The following ADAMTS2 variants were observed in gnomAD, a reference collection of about 807,000 sequenced individuals.
The protein encoded by ADAMTS2 is A disintegrin and metalloproteinase with thrombospondin motifs 2.
A neutral mutation model predicts 123.0 loss-of-function variants in ADAMTS2; 50 were observed. That is an observed-to-expected ratio of 0.41 (90% CI 0.32 to 0.51). The LOEUF is 0.51. Among genes scored for constraint, ADAMTS2 ranks in the 20% least tolerant of loss-of-function variants. The pLI, the probability that ADAMTS2 is intolerant of heterozygous loss-of-function variation, is 0.35. For synonymous variants in ADAMTS2, 678 were observed against 695.4 expected (o/e 0.98, Z 0.39); for missense variants, 1,494 against 1,705.2 (o/e 0.88, Z 2.18).
chr5:179,203,168 C>G (rs534228856), intron 4 of ADAMTS2, among the ~76,000 whole-genome samples: 1 of 152,362 alleles, frequency 6.6e-6, no homozygotes, highest in African/African-American at 2.4e-5. Flanking sequence ...TCCTCAGAGC[C>G]TGCATTCCCT....
intron 3 of ADAMTS2, among the ~76,000 whole-genome samples, chr5:179,247,585 A>G (rs193157681): frequency 8.5e-5 from 13 of 152,342 alleles, no homozygotes; most frequent in Admixed American, 3.9e-4. Flanking sequence ...TTGTAATCAA[A>G]TTGTCAAAAG....
chr5:179,141,498 T>C (rs1330425534), intron 10 of ADAMTS2, among the ~76,000 whole-genome samples: 1 of 152,166 alleles, frequency 6.6e-6, no homozygotes, highest in East Asian at 1.9e-4. Flanking sequence ...AAATTAGTTT[T>C]TAAAAAGCAG....
intron 2 of ADAMTS2, among the ~76,000 whole-genome samples, chr5:179,297,375 C>T (rs1391344243): frequency 3.3e-5 from 5 of 151,988 alleles, no homozygotes; most frequent in Admixed American, 2.0e-4. Flanking sequence ...CAGCCGTAGC[C>T]TCCCACCCCA....
chr5:179,257,542 C>T (rs1164415657), intron 3 of ADAMTS2, among the ~76,000 whole-genome samples: 1 of 152,222 alleles, frequency 6.6e-6, no homozygotes, highest in African/African-American at 2.4e-5. Context: ...TCTGCCTGGG[C>T]TGGGGCCCTG....
At chr5:179,333,998 C>A (rs1377515247) in intron 2 of ADAMTS2, among the ~76,000 whole-genome samples, 1 of 152,200 alleles carries the variant, frequency 6.6e-6, no homozygotes, top group East Asian at 1.9e-4. Flanking sequence ...GGAGACTCTG[C>A]AGACAGTGCC....
intron 5 of ADAMTS2, among the ~76,000 whole-genome samples, chr5:179,167,039 C>T (rs1477222928): frequency 5.9e-5 from 9 of 152,218 alleles, no homozygotes; most frequent in Admixed American, 2.6e-4. Flanking sequence ...GGAAGTGAGC[C>T]CAAAGGGCCG....
At position 179,332,108 on chromosome 5, in the gene ADAMTS2, G is replaced by C. The variant is rs1757498863; in HGVS notation, c.534+11659C>G. The stretch of plus-strand genomic sequence containing the variant: ...AAAAGTAACTGTGACCTTGGAATCA[G>C]ACAGACATGTGTTCATTAATAGAAC... On this transcript the variant is annotated intron_variant, in intron 2 of 21. Coordinates refer to ENST00000251582, the MANE Select transcript of ADAMTS2 (RefSeq NM_014244.5). This position sits in a 1 kb window ranked among gnomAD's most constrained non-coding sequence, Gnocchi z 4.2. Among the ~76,000 whole-genome samples, 1 of 152,250 alleles carries C rather than the reference G, an allele frequency of 6.6e-6. No homozygotes were observed. The highest frequency in any genetic ancestry group is 1.5e-5 in the Non-Finnish European group (1 of 68,044).
chr5:179,231,930 GAAAAAAGAAAAAGAA>G (rs1238653465), intron 3 of ADAMTS2, among the ~76,000 whole-genome samples: 1 of 65,770 alleles, frequency 1.5e-5, no homozygotes, highest in African/African-American at 9.6e-5. Context: ...AAAAAAAAAA[GAAAAAAGAAAAAGAA>G]AAAAAAAAAG....
At chr5:179,159,054 A>G (rs1207179902) in intron 5 of ADAMTS2, among the ~76,000 whole-genome samples, 175 bp from the exon 6 acceptor site, 1 of 152,242 alleles carries the variant, frequency 6.6e-6, no homozygotes, top group Admixed American at 6.5e-5. Context: ...AGTCTTTGAC[A>G]GGGAAGAAAA....
intron 2 of ADAMTS2, among the ~76,000 whole-genome samples, chr5:179,343,391 T>C (rs1330736525): frequency 6.6e-6 from 1 of 152,172 alleles, no homozygotes; most frequent in African/African-American, 2.4e-5. Context: ...GGCACCCAGA[T>C]GCAGGTACAC....
intron 3 of ADAMTS2, among the ~76,000 whole-genome samples, chr5:179,238,631 C>T (rs908405182): frequency 6.6e-6 from 1 of 151,998 alleles, no homozygotes; most frequent in African/African-American, 2.4e-5. Context: ...GAAGGAGGAC[C>T]CCATGTGGGG....
At chr5:179,193,504 G>C (rs148237042) in intron 4 of ADAMTS2, among the ~76,000 whole-genome samples, 1 of 152,110 alleles carries the variant, frequency 6.6e-6, no homozygotes, top group Non-Finnish European at 1.5e-5. Context: ...ACTGTATCCC[G>C]GGACCTGGCC....
chr5:179,150,518 C>A (rs1216559398), intron 10 of ADAMTS2, among the ~76,000 whole-genome samples: 1 of 152,172 alleles, frequency 6.6e-6, no homozygotes, highest in African/African-American at 2.4e-5. Flanking sequence ...TGGAAACCAA[C>A]CAAATGTCCC....
At chr5:179,240,050 G>T (rs575970286) in intron 3 of ADAMTS2, among the ~76,000 whole-genome samples, 2 of 152,310 alleles carry the variant, frequency 1.3e-5, no homozygotes, top group South Asian at 2.1e-4. Flanking sequence ...CACCTAGGGG[G>T]TGCTGCTGAG....
chr5:179,260,573 G>A lies in ADAMTS2; in HGVS notation c.688+12338C>T, dbSNP rs1766191940. On this transcript the variant is annotated intron_variant, in intron 3 of 21. Transcript: ENST00000251582. This position sits in a 1 kb window ranked among gnomAD's most constrained non-coding sequence, Gnocchi z 4.2. ...CTCTGAGCGGGGACAGGAGGGCACT[G>A]CACTGGGTGTCAGCAGCCCTGGGTT... 6.6e-6 allele frequency among the ~76,000 whole-genome samples: 1 copy of A among 152,174 alleles called. No homozygotes were observed. Among genetic ancestry groups the A allele is most frequent in the African/African-American group, 2.4e-5 (1 of 41,426 alleles).
Position 179,126,087 on chromosome 5 carries a change from G to C in ADAMTS2, c.2661C>G (p.His887Gln). The change falls in exon 18 of 22, where the codon CAC (histidine) becomes CAG (glutamine). Residue 887 changes from histidine (H) to glutamine (Q), a missense_variant. This residue lies in a region of ADAMTS2 where 953 missense variants were observed against 1,124.7 expected (regional missense o/e 0.85). Coordinates refer to ENST00000251582, the MANE Select transcript of ADAMTS2 (RefSeq NM_014244.5). ...TKYGCRRRLD[H>Q]KMVHRGFCAA... ...CACAGAAGCCACGGTGTACCATCTTGTGGTCCAGCCTCCGGCGGCAGCCAT... is the reference window on the plus strand; with the variant it reads ...CACAGAAGCCACGGTGTACCATCTTCTGGTCCAGCCTCCGGCGGCAGCCAT... 8 of 1,613,190 alleles carry C rather than the reference G, an allele frequency of 5.0e-6. No homozygotes were observed. Among genetic ancestry groups the C allele is most frequent in the Non-Finnish European group, 6.8e-6 (8 of 1,180,022 alleles).
At position 179,228,848 on chromosome 5, in the gene ADAMTS2, G is replaced by A. The variant is rs2113423834; in HGVS notation, c.689-21133C>T. On this transcript the variant is annotated intron_variant, in intron 3 of 21. Coordinates refer to ENST00000251582, the MANE Select transcript of ADAMTS2 (RefSeq NM_014244.5). This position sits in a 1 kb window ranked among gnomAD's most constrained non-coding sequence, Gnocchi z 5.2. ...GGAAGCCCGGTGCTCCTTCCCAGAG[G>A]AGGGAGCCGAAGCTCTGCCAGTCTG... Among the ~76,000 whole-genome samples the A allele has an allele frequency of 6.6e-6, 1 of 152,360 alleles. No homozygotes were observed. The highest frequency in any genetic ancestry group is 1.9e-4 in the East Asian group (1 of 5,180).
chr5:179,322,932 C>T (rs898991141), intron 2 of ADAMTS2, among the ~76,000 whole-genome samples: 13 of 152,240 alleles, frequency 8.5e-5, no homozygotes, highest in Admixed American at 5.9e-4. Context: ...CTCCTGAGCA[C>T]GGTGTGGAAG....
chr5:179,169,263 G>T (rs919155946), intron 5 of ADAMTS2, among the ~76,000 whole-genome samples: 2 of 152,236 alleles, frequency 1.3e-5, no homozygotes, highest in African/African-American at 2.4e-5. Context: ...GGCACAGCTA[G>T]AAGGTGCCCT....
Sources: allele counts gnomAD v4.1 joint callset (sites outside exome capture counted in the v4.1 genomes callset), GRCh38; gene constraint gnomAD v4.1.1; regional missense constraint gnomAD v4.1.1; non-coding constraint Gnocchi (gnomAD v3.1); transcripts MANE v1.5; gene names NCBI Gene and HGNC (gene_info 2026-07-23, HGNC 2026-07-21).